Variants in PRKG1 observed in about 807,000 individuals in gnomAD.
The protein encoded by PRKG1 is cGMP-dependent protein kinase 1.
A neutral mutation model predicts 88.1 loss-of-function variants in PRKG1; 35 were observed. That is an observed-to-expected ratio of 0.40 (90% CI 0.30 to 0.53). The LOEUF (loss-of-function observed/expected upper bound fraction) is 0.53, where lower values mean the gene tolerates loss of function less well. Ranked by LOEUF, PRKG1 falls within the 20% of genes least tolerant of loss-of-function variation. The pLI is 0.59. For missense variants in PRKG1, 540 were observed against 839.8 expected (o/e 0.64, Z 4.41); for synonymous variants, 303 against 292.5 (o/e 1.04, Z -0.37).
intron 2 of PRKG1, among the ~76,000 whole-genome samples, chr10:51,248,155 T>C (rs1261730219): frequency 6.6e-6 from 1 of 151,858 alleles, no homozygotes; most frequent in Non-Finnish European, 1.5e-5. Flanking sequence ...GCTTTAAGGG[T>C]TGCTCTTGAA....
chr10:51,604,961 C>T lies in PRKG1; in HGVS notation c.592+137125C>T, dbSNP rs140245197. ...TGCCCAATGTACTGGAAGAATCAGACCACATATGGGCTGGAAGGTTGAGAG... is the reference window on the plus strand; with the variant it reads ...TGCCCAATGTACTGGAAGAATCAGATCACATATGGGCTGGAAGGTTGAGAG... On this transcript the variant is annotated intron_variant, in intron 3 of 17. Coordinates refer to ENST00000373980, the MANE Select transcript of PRKG1 (RefSeq NM_006258.4). 1.8e-3 allele frequency among the ~76,000 whole-genome samples: 273 copies of T among 152,276 alleles called. 1 individual carries two copies. The highest frequency in any genetic ancestry group is 6.0e-3 in the African/African-American group (251 of 41,544).
chr10:52,025,153 G>C (rs939022864), intron 5 of PRKG1, among the ~76,000 whole-genome samples: 1 of 152,092 alleles, frequency 6.6e-6, no homozygotes, highest in South Asian at 2.1e-4. Flanking sequence ...CATTCATATC[G>C]TTTGCCCACT....
intron 1 of PRKG1, among the ~76,000 whole-genome samples, chr10:51,018,109 C>T (rs1281801756): frequency 6.6e-6 from 1 of 152,004 alleles, no homozygotes; most frequent in Non-Finnish European, 1.5e-5. Context: ...GGCATGAGCC[C>T]CCGAGCCAGT....
intron 3 of PRKG1, among the ~76,000 whole-genome samples, chr10:51,472,932 G>A (rs910393526): frequency 3.9e-5 from 6 of 152,000 alleles, no homozygotes; most frequent in Non-Finnish European, 7.4e-5. Flanking sequence ...CTGAAAGAAG[G>A]GGAGAAGACA....
intron 3 of PRKG1, among the ~76,000 whole-genome samples, chr10:51,793,987 C>A (rs1838942648): frequency 6.6e-6 from 1 of 152,044 alleles, no homozygotes; most frequent in African/African-American, 2.4e-5. Context: ...TGGTCTCAAA[C>A]CCCTGACCTC....
In PRKG1 at chr10:51,008,555, C is replaced by G. The variant is rs573491101; in HGVS notation, c.266+16911C>G. 2.0e-5 allele frequency among the ~76,000 whole-genome samples: 3 copies of G among 152,236 alleles called. No homozygotes were observed. The East Asian group carries it at 5.8e-4, about 29-fold the overall frequency. ...CTTGGACTTGCATTCCAATCTTTGC[C>G]TTCATTTTCACATGGTTGTCTTTTC... On this transcript the variant is annotated intron_variant, in intron 1 of 17. Coordinates refer to the PRKG1 transcript ENST00000401604.
chr10:52,000,256 G>C (rs934163781), intron 5 of PRKG1, among the ~76,000 whole-genome samples: 1 of 151,988 alleles, frequency 6.6e-6, no homozygotes, highest in African/African-American at 2.4e-5. Flanking sequence ...TATGAAAAAG[G>C]AAACTGCATT....
intron 7 of PRKG1, among the ~76,000 whole-genome samples, chr10:52,130,362 C>T (rs1469919927): frequency 6.6e-6 from 1 of 152,126 alleles, no homozygotes; most frequent in Non-Finnish European, 1.5e-5. Context: ...ATGGAAATTG[C>T]ATTCAACTTT....
intron 1 of PRKG1, among the ~76,000 whole-genome samples, chr10:51,118,306 T>G (rs1845177206): frequency 6.6e-6 from 1 of 152,284 alleles, no homozygotes; most frequent in South Asian, 2.1e-4. Flanking sequence ...AGCAGATTAC[T>G]TTTAAGGGTA....
intron 9 of PRKG1, among the ~76,000 whole-genome samples, chr10:52,214,409 A>G (rs1840059179): frequency 6.6e-6 from 1 of 152,200 alleles, no homozygotes; most frequent in Non-Finnish European, 1.5e-5. Flanking sequence ...CTTTGATATC[A>G]CACATACAGT....
intron 3 of PRKG1, among the ~76,000 whole-genome samples, chr10:51,639,330 A>G (rs959774944): frequency 1.3e-4 from 19 of 151,094 alleles, no homozygotes; most frequent in African/African-American, 4.6e-4. Context: ...GCTACTTGGG[A>G]GGCTGAGGCA....
chr10:51,314,334 C>T (rs1841267116), intron 2 of PRKG1, among the ~76,000 whole-genome samples: 1 of 151,960 alleles, frequency 6.6e-6, no homozygotes, highest in Admixed American at 6.6e-5. Flanking sequence ...CTAGCTGATT[C>T]CTGAAATGCT....
chr10:51,045,422 A>G (rs553406706), intron 1 of PRKG1, among the ~76,000 whole-genome samples: 1 of 152,136 alleles, frequency 6.6e-6, no homozygotes, highest in African/African-American at 2.4e-5. Flanking sequence ...CCTGGCTTCA[A>G]GCGATTCTCC....
intron 3 of PRKG1, among the ~76,000 whole-genome samples, chr10:51,488,292 G>A (rs929677292): frequency 1.3e-5 from 2 of 152,130 alleles, no homozygotes; most frequent in African/African-American, 2.4e-5. Context: ...TTCTCTAGAT[G>A]TACTTTGGTC....
At chr10:52,168,718 A>G (rs935149565) in intron 9 of PRKG1, among the ~76,000 whole-genome samples, 1 of 152,130 alleles carries the variant, frequency 6.6e-6, no homozygotes, top group African/African-American at 2.4e-5. Context: ...AAAAAAAAAA[A>G]AGCATTTGAG....
chr10:51,194,614 AATTT>A (rs1330663715), intron 2 of PRKG1, among the ~76,000 whole-genome samples: 3 of 152,026 alleles, frequency 2.0e-5, no homozygotes, highest in Non-Finnish European at 4.4e-5. Context: ...TGAATGAAAA[AATTT>A]ATTTGTGTTC....
intron 9 of PRKG1, among the ~76,000 whole-genome samples, chr10:52,176,268 G>A (rs1391546228): frequency 6.7e-6 from 1 of 149,286 alleles, no homozygotes; most frequent in Non-Finnish European, 1.5e-5. Flanking sequence ...TTTATTGAAG[G>A]GACTGTTCTT....
At chr10:51,347,286 G>C (rs1842134394) in intron 2 of PRKG1, among the ~76,000 whole-genome samples, 1 of 152,116 alleles carries the variant, frequency 6.6e-6, no homozygotes, top group South Asian at 2.1e-4. Flanking sequence ...GAAGAAGAGT[G>C]AATATTGAAG....
In PRKG1 at chr10:51,735,135, G is replaced by A. The variant is rs532856201; in HGVS notation, c.593-69450G>A. ...AAGACATCTGTTAGGGGATGGAAAT[G>A]GAAACCACGCAAAAACAAATTGCTC... is the stretch of plus-strand genomic sequence containing the variant. On this transcript the variant is annotated intron_variant, in intron 3 of 17. Transcript: ENST00000373980. Among the ~76,000 whole-genome samples, 5 of 152,266 alleles carry A rather than the reference G, an allele frequency of 3.3e-5. No individual in the cohort carries two copies. In the East Asian group the frequency reaches 9.7e-4, roughly 29 times the overall value.
Sources: gnomAD v4.1 joint callset for allele counts (sites outside exome capture counted in the v4.1 genomes callset) on GRCh38, gnomAD v4.1.1 for gene constraint, MANE v1.5 for transcripts, NCBI Gene and HGNC (gene_info 2026-07-23, HGNC 2026-07-21) for gene names.